OTOA: variants seen among roughly 807,000 people sequenced by gnomAD.
The protein encoded by OTOA is cancer/testis antigen 108.
In OTOA, 70 loss-of-function variants were observed where a neutral mutation model predicts 110.8. The observed-to-expected ratio is 0.63, with a 90% CI of 0.52 to 0.77. The LOEUF is 0.77. OTOA is among the 30% of genes least tolerant of loss of function. The pLI is 0.00. For synonymous variants in OTOA, 373 were observed against 431.5 expected (o/e 0.86, Z 1.68); for missense variants, 917 against 1,075.8 (o/e 0.85, Z 2.06).
At chr16:21,682,921 C>T (rs912160571) in intron 6 of OTOA, among the ~76,000 whole-genome samples, 8 of 152,202 alleles carry the variant, frequency 5.3e-5, no homozygotes, top group African/African-American at 1.9e-4. Flanking sequence ...CCCCACATGG[C>T]ATCTGCTTTT....
intron 17 of OTOA, among the ~76,000 whole-genome samples, chr16:21,721,928 A>T (rs1898754843): frequency 6.6e-6 from 1 of 151,956 alleles, no homozygotes; most frequent in Admixed American, 6.6e-5. Context: ...TATGTAATAT[A>T]AAAACCACAA....
intron 12 of OTOA, 124 bp downstream of exon 12, chr16:21,705,416 T>C: frequency 1.4e-6 from 2 of 1,440,874 alleles, no homozygotes. Context: ...TTAAGTCCAG[T>C]CACAGCAGAT....
At chr16:21,665,063 C>T (rs1966836367) in intron 1 of OTOA, among the ~76,000 whole-genome samples, 1 of 152,148 alleles carries the variant, frequency 6.6e-6, no homozygotes, top group East Asian at 1.9e-4. Context: ...AGTGCCATGC[C>T]TACTATGCAG....
chr16:21,698,456 T>C (rs567138690), intron 10 of OTOA, among the ~76,000 whole-genome samples: 2 of 152,302 alleles, frequency 1.3e-5, no homozygotes, highest in East Asian at 1.9e-4. Context: ...TTGGGCATCA[T>C]GATTCTTGAA....
intron 12 of OTOA, among the ~76,000 whole-genome samples, chr16:21,708,119 T>C (rs1898248288): frequency 6.6e-6 from 1 of 152,056 alleles, no homozygotes; most frequent in African/African-American, 2.4e-5. Context: ...TATTACATTG[T>C]AATATATAAT....
At chr16:21,681,540 G>A (rs1246366375) in intron 5 of OTOA, among the ~76,000 whole-genome samples, 198 bp from the exon 6 acceptor site, 6 of 151,958 alleles carry the variant, frequency 3.9e-5, no homozygotes, top group Non-Finnish European at 7.4e-5. Context: ...CCGTGATCGC[G>A]CAACAGAGCA....
At chr16:21,712,731 G>C (rs1898397265) in intron 13 of OTOA, among the ~76,000 whole-genome samples, 1 of 151,598 alleles carries the variant, frequency 6.6e-6, no homozygotes, top group South Asian at 2.1e-4. Flanking sequence ...TGTAGTCCCA[G>C]CTACTCGGGA....
intron 21 of OTOA, among the ~76,000 whole-genome samples, chr16:21,732,131 A>C (rs1465398029): frequency 6.6e-6 from 1 of 151,446 alleles, no homozygotes; most frequent in Non-Finnish European, 1.5e-5. Flanking sequence ...ATGCCCAGCT[A>C]ATTTTTATAT....
chr16:21,715,971 G>A (rs1270614886), intron 14 of OTOA, among the ~76,000 whole-genome samples: 4 of 152,044 alleles, frequency 2.6e-5, no homozygotes, highest in Non-Finnish European at 4.4e-5. Flanking sequence ...ATGCAGTGGC[G>A]TGATCTTGGT....
chr16:21,693,007 C>A (rs1364133701), intron 9 of OTOA, among the ~76,000 whole-genome samples: 1 of 151,356 alleles, frequency 6.6e-6, no homozygotes, highest in East Asian at 1.9e-4. Context: ...GTAATCCCAG[C>A]ACTTTGGGAG....
At chr16:21,713,238 A>C (rs960604227) in intron 13 of OTOA, among the ~76,000 whole-genome samples, 2 of 152,176 alleles carry the variant, frequency 1.3e-5, no homozygotes, top group Non-Finnish European at 2.9e-5. Flanking sequence ...GAGAAGGAGT[A>C]GGGAATTTCT....
chr16:21,714,393 TTCTTTC>T (rs1898473792), intron 13 of OTOA, among the ~76,000 whole-genome samples: 1 of 79,870 alleles, frequency 1.3e-5, no homozygotes, highest in African/African-American at 4.8e-5. Flanking sequence ...CTTTCTCTCT[TTCTTTC>T]TCTTTCTTTC....
chr16:21,682,666 CTG>C (rs1328649790), intron 6 of OTOA, among the ~76,000 whole-genome samples: 2 of 152,174 alleles, frequency 1.3e-5, no homozygotes, highest in African/African-American at 4.8e-5. Flanking sequence ...TATCATCACA[CTG>C]TGGATAACAC....
chr16:21,684,610 A>C, intron 6 of OTOA: 1 of 1,415,692 alleles, frequency 7.1e-7, no homozygotes, highest in East Asian at 2.5e-5. Flanking sequence ...TTCAACAAGC[A>C]GCTGTCCCTT....
intron 1 of OTOA, among the ~76,000 whole-genome samples, chr16:21,673,647 A>T (rs555750921): frequency 2.2e-4 from 34 of 152,182 alleles, no homozygotes; most frequent in African/African-American, 8.2e-4. Flanking sequence ...ATTCCTTTTC[A>T]TTGCTGAGTA....
intron 6 of OTOA, among the ~76,000 whole-genome samples, chr16:21,684,250 G>T (rs1406440960): frequency 6.6e-6 from 1 of 152,166 alleles, no homozygotes; most frequent in Non-Finnish European, 1.5e-5. Flanking sequence ...TCAAGGTGGG[G>T]ATTTGCATGT....
At chr16:21,686,705 C>T (rs539451565) in intron 7 of OTOA, among the ~76,000 whole-genome samples, 10 of 152,002 alleles carry the variant, frequency 6.6e-5, no homozygotes, top group Non-Finnish European at 1.2e-4. Context: ...AGTTTGAGAC[C>T]AGCCTGGACA....
chr16:21,719,251 C>A (rs1898650830), intron 16 of OTOA, 60 bp downstream of exon 16: 10 of 1,600,198 alleles, frequency 6.2e-6, no homozygotes, highest in Non-Finnish European at 8.6e-6. Flanking sequence ...TCTGCCAGAG[C>A]AGCCTACTTT....
intron 18 of OTOA, among the ~76,000 whole-genome samples, chr16:21,725,893 A>T (rs1236121319): frequency 6.6e-6 from 1 of 152,196 alleles, no homozygotes; most frequent in East Asian, 1.9e-4. Flanking sequence ...TTGTCATAAC[A>T]GTCTTTTTTA....
Sources: allele counts gnomAD v4.1 joint callset (sites outside exome capture counted in the v4.1 genomes callset), GRCh38; gene constraint gnomAD v4.1.1; transcripts MANE v1.5; gene names NCBI Gene and HGNC (gene_info 2026-07-23, HGNC 2026-07-21).